Variants in VPS41 observed in about 807,000 individuals in gnomAD.
VPS41 encodes the protein vacuolar protein sorting-associated protein 41 homolog.
VPS41 carries 85 observed loss-of-function variants against 130.9 expected under a neutral mutation model. That is an observed-to-expected ratio of 0.65 (90% confidence interval 0.55 to 0.78). The LOEUF (loss-of-function observed/expected upper bound fraction) is 0.78, where lower values mean the gene tolerates loss of function less well. Ranked by LOEUF, VPS41 falls within the 30% of genes least tolerant of loss-of-function variation. The pLI is 0.00. For missense variants in VPS41, 874 were observed against 1,018.7 expected, an observed-to-expected ratio of 0.86 and a Z score of 1.93; for synonymous variants, 335 against 332.9, an observed-to-expected ratio of 1.01 and a Z score of -0.07.
chr7:38,856,226 A>T (rs1044586232), intron 4 of VPS41, among the ~76,000 whole-genome samples: 1 of 152,126 alleles, frequency 6.6e-6, no homozygotes, highest in Non-Finnish European at 1.5e-5. Context: ...TGGTGCAATT[A>T]TAACTCACTG....
intron 25 of VPS41, among the ~76,000 whole-genome samples, chr7:38,729,614 T>C (rs1181325957): frequency 6.6e-6 from 1 of 152,220 alleles, no homozygotes; most frequent in African/African-American, 2.4e-5. Flanking sequence ...CCTCCCTTCC[T>C]GCCTGGAGAA....
intron 4 of VPS41, among the ~76,000 whole-genome samples, chr7:38,838,906 T>C (rs1785551261): frequency 6.6e-6 from 1 of 152,182 alleles, no homozygotes; most frequent in South Asian, 2.1e-4. Flanking sequence ...CTGATACTCC[T>C]CATCATCCCA....
Position 38,801,431 on chromosome 7 carries a change from T to C in VPS41, c.451-4567A>G, listed in dbSNP as rs546707683. Among the ~76,000 whole-genome samples the C allele has an allele frequency of 1.3e-4, 20 of 152,326 alleles. No individual in the cohort carries two copies. The South Asian group carries it at 3.7e-3, about 28-fold the overall frequency. ...ACGTTATTTTCTTATGTTTTTCAAA[T>C]AGCCTAAGTCCCTATCACTTTATAT... On this transcript the variant is annotated intron_variant, in intron 7 of 28. Coordinates refer to ENST00000310301, the MANE Select transcript of VPS41 (RefSeq NM_014396.4).
chr7:38,887,252 A>T (rs1446160962), intron 2 of VPS41, among the ~76,000 whole-genome samples: 1 of 152,214 alleles, frequency 6.6e-6, no homozygotes, highest in Non-Finnish European at 1.5e-5. Flanking sequence ...GCACGTTCTA[A>T]CCCATCACGA....
At chr7:38,865,285 T>C (rs945773186) in intron 3 of VPS41, among the ~76,000 whole-genome samples, 10 of 152,184 alleles carry the variant, frequency 6.6e-5, no homozygotes, top group African/African-American at 1.9e-4. Flanking sequence ...AAAGAGTGCA[T>C]GTTCTAAAAG....
chr7:38,870,572 C>T (rs1384483943), intron 2 of VPS41, among the ~76,000 whole-genome samples: 1 of 151,804 alleles, frequency 6.6e-6, no homozygotes, highest in East Asian at 1.9e-4. Flanking sequence ...GGGGCCTCTA[C>T]AATTTTTCAT....
chr7:38,771,849 T>C (rs1026940616), intron 13 of VPS41, among the ~76,000 whole-genome samples: 3 of 152,158 alleles, frequency 2.0e-5, no homozygotes, highest in African/African-American at 7.2e-5. Context: ...TACTGGGTTA[T>C]GAACTAGGTA....
At chr7:38,804,258 T>C (rs1371101885) in intron 7 of VPS41, among the ~76,000 whole-genome samples, 2 of 152,130 alleles carry the variant, frequency 1.3e-5, no homozygotes, top group Non-Finnish European at 2.9e-5. Context: ...AGGGGTTTGT[T>C]GTACAGATTA....
chr7:38,780,091 T>A (rs1257770508), intron 10 of VPS41, among the ~76,000 whole-genome samples: 1 of 134,458 alleles, frequency 7.4e-6, no homozygotes, highest in African/African-American at 2.6e-5. Flanking sequence ...CTGGAAAAGA[T>A]AAATCACAAA....
chr7:38,803,762 A>G (rs1784781436), intron 7 of VPS41, among the ~76,000 whole-genome samples: 1 of 152,208 alleles, frequency 6.6e-6, no homozygotes, highest in African/African-American at 2.4e-5. Flanking sequence ...CTGATGGCAA[A>G]TGGGGTCTTG....
chr7:38,801,099 G>A (rs572894049), intron 7 of VPS41, among the ~76,000 whole-genome samples: 2 of 152,260 alleles, frequency 1.3e-5, no homozygotes, highest in Admixed American at 6.5e-5. Context: ...GCCTCCTTTT[G>A]CCTCCTACTC....
chr7:38,830,144 AAAG>A, intron 5 of VPS41, 107 bp downstream of exon 5: 2 of 743,982 alleles, frequency 2.7e-6, no homozygotes, highest in Non-Finnish European at 4.8e-6. Context: ...CAATACTCAG[AAAG>A]AATAATCAAG....
At chr7:38,826,262 A>C (rs949828662) in intron 5 of VPS41, among the ~76,000 whole-genome samples, 1 of 152,226 alleles carries the variant, frequency 6.6e-6, no homozygotes, top group African/African-American at 2.4e-5. Context: ...CAAGTTAGAC[A>C]TTGAATCTGT....
rs1795505823 is a variant in VPS41 at position 38,724,742 on chromosome 7, T to G, written c.*1504A>C. The G allele has an allele frequency of 6.6e-6, 1 of 152,666 alleles. No individual in the cohort carries two copies. The highest frequency in any genetic ancestry group is 2.4e-5 in the African/African-American group (1 of 41,410). The allele number at this position is 152,666 out of a possible 1,614,324, so 9.5% of individuals were successfully genotyped here. On this transcript the variant is annotated 3_prime_UTR_variant, in exon 29 of 29. Transcript: ENST00000310301. ...CTGAGTAGCTGGGATTACAGGCATG[T>G]ACCACCACGCCTGGCTAATTTGTGT...
Position 38,728,719 on chromosome 7 carries a change from T to C in VPS41, c.2332A>G (p.Thr778Ala), listed in dbSNP as rs1690514810. Reference protein sequence around the residue: ...SLSLLKKMHRTQMKGVLVDEE... With the variant: ...SLSLLKKMHRAQMKGVLVDEE... ...TCAACAAGAACACCTTTCATTTGAG[T>C]TCGGTGCATTTTCTTCAGTAAGGAC... The change falls in exon 26 of 29, where the codon ACT becomes GCT. Residue 778 changes from threonine (T) to alanine (A), a missense_variant. Physicochemically the swap from Thr to Ala is moderately conservative, Grantham distance 58 (BLOSUM62 0). Transcript: ENST00000310301. The C allele has an allele frequency of 6.2e-7, 1 of 1,614,130 alleles. No individual in the cohort carries two copies. The highest frequency in any genetic ancestry group is 8.5e-7 in the Non-Finnish European group (1 of 1,180,016).
At chr7:38,733,894 C>T (rs1795715407) in intron 25 of VPS41, among the ~76,000 whole-genome samples, 2 of 152,108 alleles carry the variant, frequency 1.3e-5, no homozygotes, top group South Asian at 4.1e-4. Flanking sequence ...GCCTGGGCAA[C>T]ATAGTGAGAC....
intron 27 of VPS41, 50 bp from the exon 28 acceptor site, chr7:38,727,038 T>A: frequency 6.9e-7 from 1 of 1,446,608 alleles, no homozygotes; most frequent in Non-Finnish European, 9.2e-7. Flanking sequence ...ACAAGCAAGA[T>A]CATTTTAAAC....
chr7:38,777,641 A>T (rs906799173), intron 10 of VPS41, among the ~76,000 whole-genome samples: 1 of 152,196 alleles, frequency 6.6e-6, no homozygotes, highest in African/African-American at 2.4e-5. Context: ...CACTTCACAG[A>T]TTCATTTGGG....
intron 18 of VPS41, among the ~76,000 whole-genome samples, chr7:38,757,294 G>A (rs191481673): frequency 2.5e-4 from 38 of 152,214 alleles, no homozygotes; most frequent in Admixed American, 2.3e-3. Context: ...AAAGAAACTA[G>A]GATCCAGGAT....
Sources: gnomAD v4.1 joint callset for allele counts (sites outside exome capture counted in the v4.1 genomes callset) on GRCh38, gnomAD v4.1.1 for gene constraint, MANE v1.5 for transcripts, NCBI Gene and HGNC (gene_info 2026-07-23, HGNC 2026-07-21) for gene names.